The following WWOX variants were observed in gnomAD, a reference collection of about 807,000 sequenced individuals.
The protein encoded by WWOX is WW domain containing oxidoreductase.
In WWOX, 69 loss-of-function variants were observed where a neutral mutation model predicts 46.2. That is an observed-to-expected ratio of 1.49 (90% confidence interval 1.23 to 1.82). The LOEUF is 1.82. WWOX is among the 40% of genes most tolerant of loss of function. WWOX has a pLI of 0.00. For synonymous variants in WWOX, 359 were observed against 202.6 expected (o/e 1.77, Z -6.56); for missense variants, 919 against 542.6 (o/e 1.69, Z -6.89).
In WWOX at chr16:78,367,998, C is replaced by T. The variant is rs138047240; in HGVS notation, c.517-18862C>T. ...TGTCAAACTCCTGATCTTAGGTGAT[C>T]TGCCTGCCTCAGCCTCCCAAAGTGC... is the stretch of plus-strand genomic sequence containing the variant. On this transcript the variant is annotated intron_variant, in intron 5 of 8. Transcript: ENST00000566780. 4.9e-3 allele frequency among the ~76,000 whole-genome samples: 738 copies of T among 152,138 alleles called. 8 individuals are homozygous for T. Among genetic ancestry groups the T allele is most frequent in the African/African-American group, 0.017 (704 of 41,468 alleles).
chr16:78,868,997 A>G (rs2044068188), intron 8 of WWOX, among the ~76,000 whole-genome samples: 1 of 152,198 alleles, frequency 6.6e-6, no homozygotes, highest in South Asian at 2.1e-4. Flanking sequence ...GCGATCTGTA[A>G]AAAGTCACAA....
chr16:78,666,432 C>T (rs1444364023), intron 8 of WWOX, among the ~76,000 whole-genome samples: 1 of 152,190 alleles, frequency 6.6e-6, no homozygotes, highest in East Asian at 1.9e-4. Flanking sequence ...CCCAGTGTGT[C>T]ACGCCATTAC....
intron 8 of WWOX, among the ~76,000 whole-genome samples, chr16:78,912,279 C>G (rs560165502): frequency 6.6e-6 from 1 of 152,172 alleles, no homozygotes; most frequent in African/African-American, 2.4e-5. Context: ...TCATTGAAGT[C>G]TCACTGTGTG....
At chr16:78,945,734 T>C (rs752988334) in intron 8 of WWOX, among the ~76,000 whole-genome samples, 4 of 152,214 alleles carry the variant, frequency 2.6e-5, no homozygotes, top group Non-Finnish European at 4.4e-5. Context: ...TTCATTTCTT[T>C]CCAGGTTCCT....
At chr16:79,110,345 C>T (rs900456073) in intron 8 of WWOX, among the ~76,000 whole-genome samples, 1 of 152,152 alleles carries the variant, frequency 6.6e-6, no homozygotes, top group Non-Finnish European at 1.5e-5. Context: ...CAACCTCCCC[C>T]CATCATTCCA....
chr16:78,602,571 T>A (rs78238031), intron 8 of WWOX, among the ~76,000 whole-genome samples: 6,254 of 152,264 alleles, frequency 0.041, 203 homozygotes, highest in Middle Eastern at 0.061. Flanking sequence ...ACGAAAGCTG[T>A]TGTGCTGGTA....
chr16:78,492,409 C>T (rs1460787889), intron 8 of WWOX, among the ~76,000 whole-genome samples: 1 of 152,224 alleles, frequency 6.6e-6, no homozygotes, highest in Non-Finnish European at 1.5e-5. Flanking sequence ...CCCTTCTCAT[C>T]TGTGGATAAA....
chr16:79,191,045 G>A (rs1391825647), intron 8 of WWOX, among the ~76,000 whole-genome samples: 1 of 151,816 alleles, frequency 6.6e-6, no homozygotes, highest in Non-Finnish European at 1.5e-5. Context: ...TCTTTTTTTT[G>A]TTGTTTGTTT....
chr16:78,822,462 C>A (rs1028075248), intron 8 of WWOX, among the ~76,000 whole-genome samples: 1 of 120,420 alleles, frequency 8.3e-6, no homozygotes, highest in Non-Finnish European at 1.8e-5. Flanking sequence ...CCAGTGTACT[C>A]CAGCCTGAGA....
At chr16:79,058,213 G>A (rs1394555867) in intron 8 of WWOX, among the ~76,000 whole-genome samples, 1 of 151,820 alleles carries the variant, frequency 6.6e-6, no homozygotes. Context: ...AGATACAGGT[G>A]TGCCCTCCTT....
At chr16:78,148,704 T>C (rs905170415) in intron 4 of WWOX, among the ~76,000 whole-genome samples, 1 of 151,920 alleles carries the variant, frequency 6.6e-6, no homozygotes, top group African/African-American at 2.4e-5. Flanking sequence ...GAGACCATCC[T>C]GGCTAACACG....
chr16:78,393,184 C>G (rs1246828681), intron 6 of WWOX, among the ~76,000 whole-genome samples: 2 of 152,062 alleles, frequency 1.3e-5, no homozygotes, highest in Non-Finnish European at 2.9e-5. Flanking sequence ...ATCACTCAGA[C>G]CAAATATTGG....
At position 78,543,441 on chromosome 16, in the gene WWOX, T is replaced by G. The variant is rs556576300; in HGVS notation, c.1056+110689T>G. Among the ~76,000 whole-genome samples the G allele has an allele frequency of 4.6e-5, 7 of 152,318 alleles. No individual in the cohort carries two copies. The South Asian group carries it at 1.4e-3, about 32-fold the overall frequency. On this transcript the variant is annotated intron_variant, in intron 8 of 8. Coordinates refer to ENST00000566780, the MANE Select transcript of WWOX (RefSeq NM_016373.4). ...GGATTAAGAGGTACTGTATTGTTGG[T>G]TGATAAAGTCAAACTTGTGAACAGA...
chr16:78,114,085 G>C (rs1329126797), intron 3 of WWOX, among the ~76,000 whole-genome samples: 1 of 123,430 alleles, frequency 8.1e-6, no homozygotes, highest in Non-Finnish European at 1.7e-5. Context: ...TCATCCATAT[G>C]TGCCTTTTTT....
intron 8 of WWOX, among the ~76,000 whole-genome samples, chr16:79,128,836 C>G (rs951627794): frequency 1.3e-5 from 2 of 152,162 alleles, no homozygotes; most frequent in Admixed American, 1.3e-4. Flanking sequence ...GACTAGAACA[C>G]TCTGCAGAGT....
intron 4 of WWOX, among the ~76,000 whole-genome samples, chr16:78,137,179 C>T (rs182940178): frequency 2.6e-5 from 4 of 152,160 alleles, no homozygotes; most frequent in Admixed American, 2.0e-4. Context: ...CTTTTTCCTC[C>T]TGCAACCAAT....
intron 8 of WWOX, among the ~76,000 whole-genome samples, chr16:78,822,319 C>T (rs990440567): frequency 2.0e-5 from 3 of 151,994 alleles, no homozygotes; most frequent in South Asian, 2.1e-4. Context: ...CATGACGAAA[C>T]GCCATCTCTA....
chr16:78,120,431 G>T (rs903502487), intron 4 of WWOX, among the ~76,000 whole-genome samples: 4 of 152,038 alleles, frequency 2.6e-5, no homozygotes, highest in Non-Finnish European at 4.4e-5. Flanking sequence ...TTAGCCAGGC[G>T]CAGTGGCGGG....
chr16:78,131,793 C>G (rs1177465177), intron 4 of WWOX, among the ~76,000 whole-genome samples: 6 of 151,206 alleles, frequency 4.0e-5, no homozygotes, highest in Admixed American at 2.6e-4. Context: ...ACCATGTTGG[C>G]CAGGACGGTG....
Sources: allele counts gnomAD v4.1 joint callset (sites outside exome capture counted in the v4.1 genomes callset), GRCh38; gene constraint gnomAD v4.1.1; transcripts MANE v1.5; gene names NCBI Gene and HGNC (gene_info 2026-07-23, HGNC 2026-07-21).